PARVB: variants seen among roughly 807,000 people sequenced by gnomAD.
PARVB encodes beta-parvin.
Under a neutral mutation model 47.0 loss-of-function variants are expected in PARVB, and 46 were observed. The ratio of observed to expected loss-of-function variants is 0.98; its 90% CI spans 0.77 to 1.25. The LOEUF is 1.25. Ranked by LOEUF, PARVB falls within the 50% of genes most tolerant of loss-of-function variation. The pLI is 0.00. For missense variants in PARVB, 473 were observed against 471.6 expected, an observed-to-expected ratio of 1.00 and a Z score of -0.03; for synonymous variants, 196 against 196.3, an observed-to-expected ratio of 1.00 and a Z score of 0.01.
chr22:44,068,595 A>T lies in PARVB; in HGVS notation c.113-25333A>T, dbSNP rs866272313. On this transcript the variant is annotated intron_variant, in intron 1 of 12. Coordinates refer to ENST00000338758, the MANE Select transcript of PARVB (RefSeq NM_013327.5). The surrounding 1 kb of genome is among the most constrained non-coding windows in gnomAD (Gnocchi z 4.1). ...GTGGAAACGGGGTGGCAAGTGTTCC[A>T]TGTGTTAGCATTTGGTCCTCCTGAC... 6.6e-6 allele frequency among the ~76,000 whole-genome samples: 1 copy of T among 152,136 alleles called. No homozygotes were observed. Among genetic ancestry groups the T allele is most frequent in the Non-Finnish European group, 1.5e-5 (1 of 68,014 alleles).
intron 11 of PARVB, among the ~76,000 whole-genome samples, chr22:44,158,789 C>G (rs572598125): frequency 9.2e-5 from 14 of 152,260 alleles, no homozygotes; most frequent in Non-Finnish European, 1.9e-4. Flanking sequence ...CCTTTAAAAA[C>G]TTGGCCATGG....
At chr22:44,084,924 G>A (rs768369990) in intron 1 of PARVB, among the ~76,000 whole-genome samples, 13 of 152,184 alleles carry the variant, frequency 8.5e-5, no homozygotes, top group South Asian at 2.1e-4. Flanking sequence ...CATTCTTGTA[G>A]CTTTATTTTT....
At position 44,155,702 on chromosome 22, in the gene PARVB, G is replaced by T. The variant is rs1272452822; in HGVS notation, c.844-2280G>T. The stretch of plus-strand genomic sequence containing the variant: ...GAAGGTGCCAGCACGCTTAACCAGG[G>T]TGCTGTGGGCATGAAGCTTCCATGT... On this transcript the variant is annotated intron_variant, in intron 10 of 12. Transcript: ENST00000338758. The surrounding 1 kb of genome is among the most constrained non-coding windows in gnomAD (Gnocchi z 4.8). 2.0e-5 allele frequency among the ~76,000 whole-genome samples: 3 copies of T among 152,144 alleles called. No homozygotes were observed. Among genetic ancestry groups the T allele is most frequent in the African/African-American group, 4.8e-5 (2 of 41,426 alleles).
At chr22:44,082,488 C>T (rs2051926291) in intron 1 of PARVB, among the ~76,000 whole-genome samples, 1 of 152,136 alleles carries the variant, frequency 6.6e-6, no homozygotes, top group Non-Finnish European at 1.5e-5. Context: ...CACTGCACTC[C>T]AGCCTGGGCG....
intron 2 of PARVB, among the ~76,000 whole-genome samples, chr22:44,097,119 A>G (rs2052326783): frequency 6.6e-6 from 1 of 151,430 alleles, no homozygotes; most frequent in South Asian, 2.1e-4. Flanking sequence ...CACAGCTCAG[A>G]GATGGCATGG....
At chr22:44,061,112 G>A (rs957383983) in intron 1 of PARVB, among the ~76,000 whole-genome samples, 3 of 152,052 alleles carry the variant, frequency 2.0e-5, no homozygotes, top group Non-Finnish European at 2.9e-5. Context: ...AGTACCCCTC[G>A]CCACGCGTGG....
At chr22:44,071,632 T>A (rs2051657081) in intron 1 of PARVB, among the ~76,000 whole-genome samples, 1 of 152,160 alleles carries the variant, frequency 6.6e-6, no homozygotes. Flanking sequence ...GGAATCCCTG[T>A]CCTCACCCTG....
At chr22:43,999,283 A>G in exon 1 of PARVB, 1 of 1,349,876 alleles carries the variant, frequency 7.4e-7, no homozygotes, top group Non-Finnish European at 1.0e-6. Flanking sequence ...TTAATTTCTG[A>G]ATTCTCCCTT....
At chr22:44,114,711 G>T (rs796489066) in intron 3 of PARVB, 3 of 23,230 alleles carry the variant, frequency 1.3e-4, no homozygotes, top group African/African-American at 7.2e-4. Flanking sequence ...ACACAGATAC[G>T]TTGTTACTAA....
intron 1 of PARVB, among the ~76,000 whole-genome samples, chr22:44,034,311 T>TGG (rs1173115026): frequency 7.3e-4 from 91 of 124,990 alleles, no homozygotes; most frequent in East Asian, 3.9e-3. Flanking sequence ...ATGTTTGAGA[T>TGG]GGGTGTCTTT....
chr22:44,050,880 C>G (rs1021440763), intron 1 of PARVB, among the ~76,000 whole-genome samples: 1 of 152,168 alleles, frequency 6.6e-6, no homozygotes, highest in Non-Finnish European at 1.5e-5. Context: ...GCACACAGCC[C>G]GTCACCAGGA....
chr22:44,145,962 T>TA (rs950253861), intron 8 of PARVB: 15 of 152,338 alleles, frequency 9.8e-5, no homozygotes, highest in African/African-American at 3.6e-4. Flanking sequence ...CTTAGATGAT[T>TA]ATGAAAATCA....
At chr22:44,013,212 A>G (rs1818760031) in intron 2 of PARVB, among the ~76,000 whole-genome samples, 2 of 152,140 alleles carry the variant, frequency 1.3e-5, no homozygotes. Context: ...GCAGCTTTTA[A>G]GACCCTCTTT....
intron 1 of PARVB, among the ~76,000 whole-genome samples, chr22:44,050,453 C>T (rs898569492): frequency 1.3e-5 from 2 of 151,978 alleles, no homozygotes; most frequent in African/African-American, 4.8e-5. Context: ...AAGTGATTCT[C>T]CTGCCTCAGC....
rs183671251 is a variant in PARVB at position 44,051,620 on chromosome 22, G to A, written c.112+27169G>A. The stretch of plus-strand genomic sequence containing the variant: ...ACCAATGAGGCGAATGCCGGGAAGC[G>A]CTTGGTTTGTGTCAATGAGGGGAGA... On this transcript the variant is annotated intron_variant, in intron 1 of 12. Transcript: ENST00000338758. 7.9e-5 allele frequency among the ~76,000 whole-genome samples: 12 copies of A among 152,290 alleles called. No homozygotes were observed. In the East Asian group the frequency reaches 1.5e-3, roughly 20 times the overall value.
chr22:44,055,368 T>C (rs1007081180), intron 1 of PARVB, among the ~76,000 whole-genome samples: 1 of 150,794 alleles, frequency 6.6e-6, no homozygotes, highest in Non-Finnish European at 1.5e-5. Flanking sequence ...TGAGACAGAG[T>C]CTCACTCTGT....
intron 1 of PARVB, among the ~76,000 whole-genome samples, chr22:44,052,135 G>A (rs1046881456): frequency 3.9e-5 from 6 of 152,224 alleles, no homozygotes; most frequent in South Asian, 2.1e-4. Flanking sequence ...CACAGGATGC[G>A]AATACAGTCA....
chr22:44,095,595 T>C (rs1379338485), intron 2 of PARVB, among the ~76,000 whole-genome samples: 2 of 152,112 alleles, frequency 1.3e-5, no homozygotes, highest in African/African-American at 4.8e-5. Flanking sequence ...CGGCCTGGGC[T>C]TGCAGGGTGG....
At chr22:44,128,154 G>T (rs1453820667) in intron 4 of PARVB, among the ~76,000 whole-genome samples, 1 of 152,202 alleles carries the variant, frequency 6.6e-6, no homozygotes, top group Non-Finnish European at 1.5e-5. Flanking sequence ...GTTTCTGGGG[G>T]TGTAGCTCCC....
Sources: allele counts gnomAD v4.1 joint callset (sites outside exome capture counted in the v4.1 genomes callset), GRCh38; gene constraint gnomAD v4.1.1; non-coding constraint Gnocchi (gnomAD v3.1); transcripts MANE v1.5; gene names NCBI Gene and HGNC (gene_info 2026-07-23, HGNC 2026-07-21).